The following E2F7 variants were observed in gnomAD, a reference collection of about 807,000 sequenced individuals.
The protein encoded by E2F7 is E2F transcription factor 7, also known as transcription factor E2F7.
In E2F7, 35 loss-of-function variants were observed where a neutral mutation model predicts 81.1. The ratio of observed to expected loss-of-function variants is 0.43; its 90% CI spans 0.33 to 0.57. The LOEUF is 0.57. Ranked by LOEUF, E2F7 falls within the 20% of genes least tolerant of loss-of-function variation. The pLI, the probability that E2F7 is intolerant of heterozygous loss-of-function variation, is 0.04. For missense variants in E2F7, 961 were observed against 1,093.7 expected (o/e 0.88, Z 1.71); for synonymous variants, 416 against 416.2 (o/e 1.00, Z 0.01).
intron 7 of E2F7, among the ~76,000 whole-genome samples, chr12:77,039,278 A>G (rs1299681339): frequency 6.6e-6 from 1 of 152,226 alleles, no homozygotes; most frequent in Non-Finnish European, 1.5e-5. Context: ...AGCATGTCCC[A>G]CTAAAGAAAA....
intron 8 of E2F7, 52 bp downstream of exon 8, chr12:77,033,805 C>T: frequency 1.3e-6 from 2 of 1,497,108 alleles, no homozygotes; most frequent in Non-Finnish European, 1.8e-6. Flanking sequence ...CTGGCATGGG[C>T]TACAGCTACA....
chr12:77,038,992 G>A (rs1191842049), intron 7 of E2F7, among the ~76,000 whole-genome samples: 11 of 152,144 alleles, frequency 7.2e-5, no homozygotes, highest in Non-Finnish European at 4.4e-5. Context: ...GTTTTAAGAG[G>A]CCAGTATTAG....
intron 9 of E2F7, among the ~76,000 whole-genome samples, chr12:77,030,546 G>C (rs1318574962): frequency 6.6e-6 from 1 of 152,112 alleles, no homozygotes; most frequent in Non-Finnish European, 1.5e-5. Flanking sequence ...GAGCCGAAGT[G>C]GGAAGAGCCA....
intron 4 of E2F7, among the ~76,000 whole-genome samples, chr12:77,047,697 T>C (rs1048289257): frequency 6.6e-6 from 1 of 152,194 alleles, no homozygotes; most frequent in Non-Finnish European, 1.5e-5. Flanking sequence ...TTCTATCACA[T>C]GCATGAAGAG....
At chr12:77,063,011 T>C (rs1955089922) in intron 2 of E2F7, among the ~76,000 whole-genome samples, 1 of 152,218 alleles carries the variant, frequency 6.6e-6, no homozygotes, top group Admixed American at 6.5e-5. Flanking sequence ...TCATGAGTTT[T>C]AGATTGTGTG....
In E2F7 at chr12:77,046,057, A is replaced by G. The variant is rs1055185636; in HGVS notation, c.810T>C (p.Ser270=). The change falls in exon 5 of 13, where the codon TCT becomes TCC. Residue 270 remains serine, a synonymous_variant. Transcript: ENST00000322886. ...ACTCACAAGAGGGACAGTCGGGTTC[A>G]GAGAAATCCAGTAACTGTTGTTCCT... ...DSQEQQLLDF[S]EPDCPSSSAN... 1 of 1,613,970 alleles carries G rather than the reference A, an allele frequency of 6.2e-7. No homozygotes were observed. The highest frequency in any genetic ancestry group is 8.5e-7 in the Non-Finnish European group (1 of 1,179,990).
intron 6 of E2F7, chr12:77,044,209 C>A: frequency 2.2e-6 from 1 of 447,030 alleles, no homozygotes; most frequent in Non-Finnish European, 4.5e-6. Context: ...TGTCCATGTC[C>A]CACCACCCTT....
In E2F7 at chr12:77,046,232, C is replaced by T. The variant is rs762373591; in HGVS notation, c.635G>A (p.Arg212Gln). Reference protein sequence around the residue: ...VAKNQYGWHGRHSLPKTLRNL... With the variant: ...VAKNQYGWHGQHSLPKTLRNL... ...CCTCAGGGTTTTTGGCAGGCTGTGCCGTCCATGCCAGCCATACTGATTCTT... is the reference window on the plus strand; with the variant it reads ...CCTCAGGGTTTTTGGCAGGCTGTGCTGTCCATGCCAGCCATACTGATTCTT... The change falls in exon 5 of 13, where the codon CGG (arginine) becomes CAG (glutamine). Residue 212 changes from arginine (R) to glutamine (Q), a missense_variant. Coordinates refer to ENST00000322886, the MANE Select transcript of E2F7 (RefSeq NM_203394.3). 19 of 1,614,088 alleles carry T rather than the reference C, an allele frequency of 1.2e-5. No individual in the cohort carries two copies. Among genetic ancestry groups the T allele is most frequent in the East Asian group, 2.2e-5 (1 of 44,892 alleles).
intron 3 of E2F7, among the ~76,000 whole-genome samples, chr12:77,054,382 G>T (rs953315802): frequency 1.3e-5 from 2 of 151,670 alleles, no homozygotes; most frequent in African/African-American, 4.8e-5. Flanking sequence ...CAAACTATGG[G>T]AAATTGAAAC....
chr12:77,055,812 T>C (rs1235307686), intron 3 of E2F7, 43 bp downstream of exon 3: 2 of 1,523,142 alleles, frequency 1.3e-6, no homozygotes, highest in South Asian at 2.7e-5. Context: ...CAAGTAAAAT[T>C]GTTTAAGTTC....
chr12:77,063,919 A>G (rs1353325007), intron 2 of E2F7, among the ~76,000 whole-genome samples: 2 of 152,228 alleles, frequency 1.3e-5, no homozygotes, highest in Non-Finnish European at 2.9e-5. Flanking sequence ...TAGTTTAGAC[A>G]TTGTTATGGC....
chr12:77,046,394 G>T lies in E2F7; in HGVS notation c.539-66C>A, dbSNP rs1954943267. 3 of 1,530,370 alleles carry T rather than the reference G, an allele frequency of 2.0e-6. No homozygotes were observed. In the South Asian group the frequency reaches 3.8e-5, roughly 19 times the overall value. The allele number at this position is 1,530,370 out of a possible 1,614,324, so 94.8% of individuals were successfully genotyped here. On this transcript the variant is annotated intron_variant, in intron 4 of 12. Transcript: ENST00000322886. ...ACATTTTTGAAGAGAAGTTCCTTGA[G>T]GGCCTGGACTATATCTGTGAACTAC...
chr12:77,064,158 A>G (rs1322713232), intron 2 of E2F7, among the ~76,000 whole-genome samples: 1 of 152,240 alleles, frequency 6.6e-6, no homozygotes, highest in African/African-American at 2.4e-5. Flanking sequence ...GACATTTCAC[A>G]GCACTTTAAT....
At position 77,022,039 on chromosome 12, in the gene E2F7, T is replaced by G. The variant is rs1954716017; in HGVS notation, c.*1976A>C. 1 of 151,990 alleles carries G rather than the reference T, an allele frequency of 6.6e-6. No homozygotes were observed. The highest frequency in any genetic ancestry group is 2.4e-5 in the African/African-American group (1 of 41,386). The allele number at this position is 151,990 out of a possible 1,614,324, so 9.4% of individuals were successfully genotyped here. A position where few individuals can be genotyped will look rare whatever the true frequency, so the allele number is the denominator to read the frequency against. On this transcript the variant is annotated 3_prime_UTR_variant, in exon 13 of 13. Transcript: ENST00000322886. ...AATGGTCATATCATGATCAGAATAA[T>G]AAAAAAAGATAGCAAAAATGTTAAA...
chr12:77,036,842 T>C (rs937331972), intron 7 of E2F7, among the ~76,000 whole-genome samples: 1 of 151,740 alleles, frequency 6.6e-6, no homozygotes, highest in Non-Finnish European at 1.5e-5. Context: ...CCCGGGTTCA[T>C]GCCATTCTCC....
Position 77,033,932 on chromosome 12 carries a change from T to A in E2F7, c.1234A>T (p.Asn412Tyr). 6.2e-7 allele frequency: 1 copy of A among 1,614,212 alleles called. No homozygotes were observed. The highest frequency in any genetic ancestry group is 8.5e-7 in the Non-Finnish European group (1 of 1,180,020). The change falls in exon 8 of 13, where the codon AAC (asparagine) becomes TAC (tyrosine). Residue 412 changes from asparagine to tyrosine, a missense_variant. Coordinates refer to ENST00000322886, the MANE Select transcript of E2F7 (RefSeq NM_203394.3). Reference protein sequence around the residue: ...KQKLARHGSFNTVQASERIQR... With the variant: ...KQKLARHGSFYTVQASERIQR... ...ATCCTCTCAGAAGCCTGAACTGTGT[T>A]AAAAGAACCATGGCGAGCCAGCTTC...
chr12:77,064,310 T>C (rs928107295), intron 2 of E2F7, among the ~76,000 whole-genome samples: 2 of 152,244 alleles, frequency 1.3e-5, no homozygotes, highest in Non-Finnish European at 2.9e-5. Context: ...CTTATATAAA[T>C]TGGTTACAAC....
At chr12:77,027,537 TCAAGACCTCAAAACACTAGCTGCATG>T (rs920795925) in intron 11 of E2F7, among the ~76,000 whole-genome samples, 13 of 152,344 alleles carry the variant, frequency 8.5e-5, no homozygotes, top group African/African-American at 3.1e-4. Flanking sequence ...CTCTAGATGT[TCAAGACCTCAAAACACTAGCTGCATG>T]CAATGGCCAA....
rs1485595838 is a variant in E2F7 at position 77,022,041 on chromosome 12, A to C, written c.*1974T>G. 1 of 152,164 alleles carries C rather than the reference A, an allele frequency of 6.6e-6. No individual in the cohort carries two copies. Among genetic ancestry groups the C allele is most frequent in the East Asian group, 1.9e-4 (1 of 5,202 alleles). 9.4% of individuals were successfully genotyped at this position (152,164 alleles called of 1,614,324 possible). A position where few individuals can be genotyped will look rare whatever the true frequency, so the allele number is the denominator to read the frequency against. On this transcript the variant is annotated 3_prime_UTR_variant, in exon 13 of 13. Transcript: ENST00000322886. Reference sequence around the variant, plus strand: ...TGGTCATATCATGATCAGAATAATAAAAAAAGATAGCAAAAATGTTAAAAC... The same window carrying C: ...TGGTCATATCATGATCAGAATAATACAAAAAGATAGCAAAAATGTTAAAAC...
Sources: allele counts gnomAD v4.1 joint callset (sites outside exome capture counted in the v4.1 genomes callset), GRCh38; gene constraint gnomAD v4.1.1; transcripts MANE v1.5; gene names NCBI Gene and HGNC (gene_info 2026-07-23, HGNC 2026-07-21).